MRC2: variants seen among roughly 807,000 people sequenced by gnomAD.
The protein encoded by MRC2 is C-type mannose receptor 2.
MRC2 carries 84 observed loss-of-function variants against 206.2 expected under a neutral mutation model. The observed-to-expected ratio is 0.41, with a 90% CI of 0.34 to 0.49. The LOEUF is 0.49. Among genes scored for constraint, MRC2 ranks in the 20% least tolerant of loss-of-function variants. MRC2 has a pLI of 0.31. For synonymous variants in MRC2, 798 were observed against 800.0 expected (o/e 1.00, Z 0.04); for missense variants, 1,676 against 2,001.5 (o/e 0.84, Z 3.10).
chr17:62,681,217 C>T, intron 18 of MRC2, 88 bp downstream of exon 18: 1 of 1,450,846 alleles, frequency 6.9e-7, no homozygotes, highest in Non-Finnish European at 9.5e-7. Flanking sequence ...GAATCCAGCC[C>T]TGCCCCTTCC....
At chr17:62,641,790 T>C (rs749293001) in intron 1 of MRC2, among the ~76,000 whole-genome samples, 1 of 152,160 alleles carries the variant, frequency 6.6e-6, no homozygotes, top group Non-Finnish European at 1.5e-5. Context: ...ATACTCTTTC[T>C]CAAACCACTG....
At position 62,646,503 on chromosome 17, in the gene MRC2, G is replaced by A. The variant is rs143856111; in HGVS notation, c.119-18045G>A. The stretch of plus-strand genomic sequence containing the variant: ...TGATAGAAGTGTCACTGTGTACATC[G>A]TAGCACACCAGACTCCTTGCTCAGA... On this transcript the variant is annotated intron_variant, in intron 1 of 29. Transcript: ENST00000303375. Among the ~76,000 whole-genome samples, 12 of 152,266 alleles carry A rather than the reference G, an allele frequency of 7.9e-5. No homozygotes were observed. The East Asian group carries it at 1.3e-3, about 17-fold the overall frequency.
intron 1 of MRC2, among the ~76,000 whole-genome samples, chr17:62,641,915 G>GTGTA (rs1467354513): frequency 6.6e-6 from 1 of 152,044 alleles, no homozygotes; most frequent in Non-Finnish European, 1.5e-5. Context: ...GTGTGTGTGT[G>GTGTA]TGTGGTGGGT....
chr17:62,635,319 G>GA (rs548733445), intron 1 of MRC2, among the ~76,000 whole-genome samples: 4 of 142,872 alleles, frequency 2.8e-5, no homozygotes, highest in Middle Eastern at 3.9e-3. Flanking sequence ...AAATACCAAA[G>GA]AAAAAAAATC....
chr17:62,647,266 C>T (rs2088502051), intron 1 of MRC2, among the ~76,000 whole-genome samples: 1 of 151,026 alleles, frequency 6.6e-6, no homozygotes, highest in African/African-American at 2.4e-5. Flanking sequence ...TCACTGCAAC[C>T]TCCGCCTCCT....
In MRC2 at chr17:62,693,338, A is replaced by G. The variant is rs928931347; in HGVS notation, c.*887A>G. On this transcript the variant is annotated 3_prime_UTR_variant, in exon 30 of 30. Coordinates refer to ENST00000303375, the MANE Select transcript of MRC2 (RefSeq NM_006039.5). ...GGAGCAGGAGTCTGGGAGGGCCCAG[A>G]GTTCACCCTCTAGTGGATCCAGGAG... The G allele has an allele frequency of 3.9e-5, 6 of 152,462 alleles. No individual in the cohort carries two copies. Among genetic ancestry groups the G allele is most frequent in the African/African-American group, 1.2e-4 (5 of 41,406 alleles). 9.4% of individuals were successfully genotyped at this position (152,462 alleles called of 1,614,324 possible). A position where few individuals can be genotyped will look rare whatever the true frequency, so the allele number is the denominator to read the frequency against.
intron 8 of MRC2, 35 bp from the exon 9 acceptor site, chr17:62,674,028 G>A: frequency 6.8e-7 from 1 of 1,469,128 alleles, no homozygotes; most frequent in Non-Finnish European, 9.3e-7. Flanking sequence ...ATGGGGAGGT[G>A]GGGGTTGAGA....
chr17:62,651,998 A>G (rs1239136039), intron 1 of MRC2, among the ~76,000 whole-genome samples: 1 of 152,200 alleles, frequency 6.6e-6, no homozygotes, highest in Non-Finnish European at 1.5e-5. Context: ...GTCAGAAAAC[A>G]TAAATTTTCA....
At position 62,666,185 on chromosome 17, in the gene MRC2, G is replaced by A. The variant is rs762184914; in HGVS notation, c.612G>A (p.Thr204=). Reference sequence around the variant, plus strand: ...AGTGGTTCCACGGCTGCACCAGCACGGGCCGCGAGGATGGTCACCTGTGGT... The same window carrying A: ...AGTGGTTCCACGGCTGCACCAGCACAGGCCGCGAGGATGGTCACCTGTGGT... The part of the protein sequence containing the change: ...DNQWFHGCTS[T]GREDGHLWCA... Residue 204 remains threonine, a synonymous_variant, in exon 3 of 30, where the codon ACG becomes ACA. Transcript: ENST00000303375. The surrounding 1 kb of genome is among the most constrained non-coding windows in gnomAD (Gnocchi z 5.0). 8 of 1,603,270 alleles carry A rather than the reference G, an allele frequency of 5.0e-6. No homozygotes were observed. The highest frequency in any genetic ancestry group is 2.2e-5 in the South Asian group (2 of 89,362).
chr17:62,674,269 C>A, intron 9 of MRC2, 99 bp downstream of exon 9: 1 of 848,630 alleles, frequency 1.2e-6, no homozygotes, highest in Non-Finnish European at 1.8e-6. Context: ...CGCATGGCAT[C>A]GCCCTCTCGT....
At chr17:62,685,015 G>A (rs1479488129) in intron 20 of MRC2, among the ~76,000 whole-genome samples, 1 of 152,066 alleles carries the variant, frequency 6.6e-6, no homozygotes, top group Non-Finnish European at 1.5e-5. Flanking sequence ...GGTGGTGGAC[G>A]CCTGTAATCT....
At chr17:62,633,018 T>A (rs879261984) in intron 1 of MRC2, among the ~76,000 whole-genome samples, 8 of 152,082 alleles carry the variant, frequency 5.3e-5, no homozygotes, top group Non-Finnish European at 1.2e-4. Flanking sequence ...TTGATGGCAC[T>A]CACCAGCTAT....
At chr17:62,637,949 C>T (rs1276090670) in intron 1 of MRC2, among the ~76,000 whole-genome samples, 1 of 152,174 alleles carries the variant, frequency 6.6e-6, no homozygotes, top group Non-Finnish European at 1.5e-5. Context: ...ACGGGAGCCT[C>T]GACCTCCTGG....
At position 62,692,484 on chromosome 17, in the gene MRC2, G is replaced by A. The variant is rs1040487302; in HGVS notation, c.*33G>A. 1.3e-6 allele frequency: 2 copies of A among 1,528,600 alleles called. No individual in the cohort carries two copies. Among genetic ancestry groups the A allele is most frequent in the Non-Finnish European group, 1.8e-6 (2 of 1,131,230 alleles). The allele number at this position is 1,528,600 out of a possible 1,614,324, so 94.7% of individuals were successfully genotyped here. ...CGCGTGGGCAGGGCCAGGGCGGGAGGAGCTGGGGAGCTGGGGCCCTGGGTC... is the reference window on the plus strand; with the variant it reads ...CGCGTGGGCAGGGCCAGGGCGGGAGAAGCTGGGGAGCTGGGGCCCTGGGTC... On this transcript the variant is annotated 3_prime_UTR_variant, in exon 30 of 30. Coordinates refer to ENST00000303375, the MANE Select transcript of MRC2 (RefSeq NM_006039.5). This position sits in a 1 kb window ranked among gnomAD's most constrained non-coding sequence, Gnocchi z 4.2.
In MRC2 at chr17:62,651,364, G is replaced by A. The variant is rs554776346; in HGVS notation, c.119-13184G>A. ...CCCAGAGTGCTGGGATTACAGGCGT[G>A]AGCCACTGCGCCCGGCCGACAAACA... On this transcript the variant is annotated intron_variant, in intron 1 of 29. Transcript: ENST00000303375. Among the ~76,000 whole-genome samples the A allele has an allele frequency of 5.3e-5, 8 of 152,234 alleles. No homozygotes were observed. The East Asian group carries it at 1.5e-3, about 29-fold the overall frequency.
chr17:62,689,478 G>A, intron 23 of MRC2, 44 bp from the exon 24 acceptor site: 5 of 1,316,752 alleles, frequency 3.8e-6, no homozygotes, highest in Non-Finnish European at 5.2e-6. Flanking sequence ...GGAACGGGGT[G>A]AGGGAAGCAG....
In MRC2 at chr17:62,666,968, G is replaced by T; in HGVS notation, c.973+98G>T. 2.1e-6 allele frequency: 2 copies of T among 943,360 alleles called. No homozygotes were observed. The highest frequency in any genetic ancestry group is 3.3e-6 in the Non-Finnish European group (2 of 609,366). 58.4% of individuals were successfully genotyped at this position (943,360 alleles called of 1,614,324 possible). ...CCTCATGTCCTCCTGCAGAGGGGCA[G>T]TGTGGGTAGGGGAAGCACCGACCTC... is the stretch of plus-strand genomic sequence containing the variant. On this transcript the variant is annotated intron_variant, in intron 5 of 29. Transcript: ENST00000303375. This position sits in a 1 kb window ranked among gnomAD's most constrained non-coding sequence, Gnocchi z 5.0.
At chr17:62,691,791 A>G (rs1019901672) in intron 28 of MRC2, among the ~76,000 whole-genome samples, 8 of 151,276 alleles carry the variant, frequency 5.3e-5, no homozygotes, top group African/African-American at 1.7e-4. Flanking sequence ...AAAAAAAAAA[A>G]AAAGTCCCGA....
chr17:62,630,903 G>T (rs2084210879), intron 1 of MRC2, among the ~76,000 whole-genome samples: 1 of 152,128 alleles, frequency 6.6e-6, no homozygotes, highest in African/African-American at 2.4e-5. Context: ...GCAAAACTCA[G>T]TTTTCCTTGC....
Sources: gnomAD v4.1 joint callset for allele counts (sites outside exome capture counted in the v4.1 genomes callset) on GRCh38, gnomAD v4.1.1 for gene constraint, Gnocchi (gnomAD v3.1) non-coding constraint, MANE v1.5 for transcripts, NCBI Gene and HGNC (gene_info 2026-07-23, HGNC 2026-07-21) for gene names.